IGSF21: variants seen among roughly 807,000 people sequenced by gnomAD.
IGSF21 encodes the protein immunoglobulin superfamily member 21.
In IGSF21, 28 loss-of-function variants were observed where a neutral mutation model predicts 46.8. The observed-to-expected ratio is 0.60, with a 90% CI of 0.44 to 0.82. IGSF21 has a LOEUF of 0.82. Ranked by LOEUF, IGSF21 falls within the 40% of genes least tolerant of loss-of-function variation. IGSF21 has a pLI of 0.00. For synonymous variants in IGSF21, 284 were observed against 273.6 expected (o/e 1.04, Z -0.38); for missense variants, 624 against 665.5 (o/e 0.94, Z 0.69).
At chr1:18,178,565 T>C (rs975100924) in intron 1 of IGSF21, among the ~76,000 whole-genome samples, 1 of 152,224 alleles carries the variant, frequency 6.6e-6, no homozygotes, top group African/African-American at 2.4e-5. Context: ...GCCAGGTGCA[T>C]ATTAAATCCT....
At chr1:18,210,080 T>C (rs981678883) in intron 1 of IGSF21, among the ~76,000 whole-genome samples, 1 of 152,162 alleles carries the variant, frequency 6.6e-6, no homozygotes, top group East Asian at 1.9e-4. Flanking sequence ...AGCCTTCGGG[T>C]GACATCCAGG....
chr1:18,168,260 A>C (rs2086699328), intron 1 of IGSF21, among the ~76,000 whole-genome samples: 1 of 152,150 alleles, frequency 6.6e-6, no homozygotes, highest in Non-Finnish European at 1.5e-5. Flanking sequence ...CGCTGCCATT[A>C]AGTCACCTCT....
At chr1:18,282,533 C>A (rs1017864346) in intron 2 of IGSF21, among the ~76,000 whole-genome samples, 1 of 151,770 alleles carries the variant, frequency 6.6e-6, no homozygotes, top group Non-Finnish European at 1.5e-5. Flanking sequence ...GTGTTTGGGT[C>A]GTGACTGTGG....
chr1:18,108,550 C>T (rs963795557), intron 1 of IGSF21, among the ~76,000 whole-genome samples: 10 of 150,444 alleles, frequency 6.6e-5, no homozygotes, highest in Non-Finnish European at 1.5e-4. Context: ...TGTGAGTGAG[C>T]GAGGGTCTGG....
At chr1:18,312,441 G>A (rs2085498926) in intron 3 of IGSF21, among the ~76,000 whole-genome samples, 1 of 152,178 alleles carries the variant, frequency 6.6e-6, no homozygotes, top group Admixed American at 6.5e-5. Context: ...CACAAATTTA[G>A]TATCTTACAG....
rs2085829313 is a variant in IGSF21 at position 18,340,988 on chromosome 1, CTT to C, written c.424+5979_424+5980del. On this transcript the variant is annotated intron_variant, in intron 4 of 9. Coordinates refer to ENST00000251296, the MANE Select transcript of IGSF21 (RefSeq NM_032880.5). ...CCTTCTTCTCCTTCTTCTTCTCCTT[CTT>C]CTTCTCCTCCTCCTCCTTCTTCTCT... Among the ~76,000 whole-genome samples, 6 of 128,792 alleles carry C rather than the reference CTT, an allele frequency of 4.7e-5. No individual in the cohort carries two copies. The South Asian group carries it at 8.5e-4, about 18-fold the overall frequency. The allele number at this position is 128,792 out of a possible 152,430, so 84.5% of individuals were successfully genotyped here.
chr1:18,238,213 T>C (rs1219933179), intron 2 of IGSF21, among the ~76,000 whole-genome samples: 2 of 152,136 alleles, frequency 1.3e-5, no homozygotes, highest in Non-Finnish European at 2.9e-5. Flanking sequence ...TCAAGGTCCA[T>C]ATTTAGGTTG....
At chr1:18,360,261 T>C (rs1372209829) in intron 4 of IGSF21, among the ~76,000 whole-genome samples, 1 of 152,254 alleles carries the variant, frequency 6.6e-6, no homozygotes, top group Non-Finnish European at 1.5e-5. Flanking sequence ...GCTTACCATC[T>C]GTTTTATGCG....
rs187846097 is a variant in IGSF21, at chr1:18,322,270, G to A, written c.306-12622G>A. Among the ~76,000 whole-genome samples the A allele has an allele frequency of 7.4e-4, 112 of 152,056 alleles. No homozygotes were observed. Among genetic ancestry groups the A allele is most frequent in the African/African-American group, 2.6e-3 (109 of 41,422 alleles). On this transcript the variant is annotated intron_variant, in intron 3 of 9. Coordinates refer to ENST00000251296, the MANE Select transcript of IGSF21 (RefSeq NM_032880.5). The surrounding 1 kb of genome is among the most constrained non-coding windows in gnomAD (Gnocchi z 4.3). Reference sequence around the variant, plus strand: ...CCTGATGCTGACCTTGCCCACAGTAGGGGCACAGCCATGTTCATTGAAAAA... The same window carrying A: ...CCTGATGCTGACCTTGCCCACAGTAAGGGCACAGCCATGTTCATTGAAAAA...
intron 4 of IGSF21, among the ~76,000 whole-genome samples, chr1:18,353,901 G>T (rs575180234): frequency 1.3e-5 from 2 of 152,312 alleles, no homozygotes; most frequent in South Asian, 4.1e-4. Flanking sequence ...CCACAGATGG[G>T]CTATGTGCTT....
In IGSF21 at chr1:18,339,919, C is replaced by G. The variant is rs568296442; in HGVS notation, c.424+4909C>G. Among the ~76,000 whole-genome samples, 16 of 152,320 alleles carry G rather than the reference C, an allele frequency of 1.1e-4. No individual in the cohort carries two copies. In the South Asian group the frequency reaches 3.3e-3, roughly 32 times the overall value. On this transcript the variant is annotated intron_variant, in intron 4 of 9. Transcript: ENST00000251296. Reference sequence around the variant, plus strand: ...GCTATCCAGCACCTCCCCCACTTCTCAAACCCTCTGAAAGGAGCACTGAAC... The same window carrying G: ...GCTATCCAGCACCTCCCCCACTTCTGAAACCCTCTGAAAGGAGCACTGAAC...
intron 1 of IGSF21, among the ~76,000 whole-genome samples, chr1:18,206,748 G>A (rs935599677): frequency 6.6e-6 from 1 of 152,188 alleles, no homozygotes; most frequent in African/African-American, 2.4e-5. Flanking sequence ...CCATGGAGAG[G>A]ACTTTGGCTC....
At chr1:18,242,294 C>T (rs2084738922) in intron 2 of IGSF21, among the ~76,000 whole-genome samples, 1 of 152,152 alleles carries the variant, frequency 6.6e-6, no homozygotes. Context: ...TCCCTGCATG[C>T]CCCTCCCAAG....
intron 1 of IGSF21, among the ~76,000 whole-genome samples, chr1:18,138,015 G>T: frequency 6.6e-6 from 1 of 152,128 alleles, no homozygotes; most frequent in Non-Finnish European, 1.5e-5. Context: ...AGAAGCCAGG[G>T]CCATCTTCTT....
chr1:18,202,164 A>G (rs1463276185), intron 1 of IGSF21, among the ~76,000 whole-genome samples: 2 of 152,100 alleles, frequency 1.3e-5, no homozygotes, highest in Non-Finnish European at 2.9e-5. Flanking sequence ...CCTAATGTCA[A>G]TTTTCCCCTG....
In IGSF21 at chr1:18,151,517, C is replaced by A. The variant is rs183187187; in HGVS notation, c.70+43319C>A. Among the ~76,000 whole-genome samples, 30 of 152,292 alleles carry A rather than the reference C, an allele frequency of 2.0e-4. No individual in the cohort carries two copies. In the East Asian group the frequency reaches 5.6e-3, roughly 28 times the overall value. On this transcript the variant is annotated intron_variant, in intron 1 of 9. Transcript: ENST00000251296. ...CCAGAGTGGCATATACCATCGACAT[C>A]CACATTCTAGTGGCCAGAGCAGGTC...
intron 4 of IGSF21, among the ~76,000 whole-genome samples, chr1:18,359,532 C>T (rs915875689): frequency 6.9e-6 from 1 of 145,864 alleles, no homozygotes; most frequent in East Asian, 2.0e-4. Context: ...CCTCTCCTCT[C>T]AGGAAGGTTC....
chr1:18,237,302 C>A (rs2084682012), intron 2 of IGSF21, among the ~76,000 whole-genome samples: 1 of 152,152 alleles, frequency 6.6e-6, no homozygotes, highest in Admixed American at 6.5e-5. Context: ...CCAAAACTTC[C>A]TAGGCACTGT....
At chr1:18,294,986 CGTTT>C (rs2085299110) in intron 3 of IGSF21, among the ~76,000 whole-genome samples, 1 of 152,226 alleles carries the variant, frequency 6.6e-6, no homozygotes, top group Non-Finnish European at 1.5e-5. Context: ...CTGTCTGAGC[CGTTT>C]CCTCTTCAGC....
Sources: allele counts gnomAD v4.1 joint callset (sites outside exome capture counted in the v4.1 genomes callset), GRCh38; gene constraint gnomAD v4.1.1; non-coding constraint Gnocchi (gnomAD v3.1); transcripts MANE v1.5; gene names NCBI Gene and HGNC (gene_info 2026-07-23, HGNC 2026-07-21).